DNM3: variants seen among roughly 807,000 people sequenced by gnomAD.
DNM3 encodes the protein dynamin 3, also known as dynamin-3.
In DNM3, 47 loss-of-function variants were observed where a neutral mutation model predicts 101.6. That is an observed-to-expected ratio of 0.46 (90% confidence interval 0.37 to 0.59). The LOEUF (loss-of-function observed/expected upper bound fraction) is 0.59, where lower values mean the gene tolerates loss of function less well. Ranked by LOEUF, DNM3 falls within the 20% of genes least tolerant of loss-of-function variation. The pLI is 0.00. For synonymous variants in DNM3, 385 were observed against 387.9 expected (o/e 0.99, Z 0.09); for missense variants, 849 against 1,085.7 (o/e 0.78, Z 3.06).
chr1:171,993,868 C>G (rs2045814046), intron 4 of DNM3, among the ~76,000 whole-genome samples: 1 of 151,912 alleles, frequency 6.6e-6, no homozygotes, highest in African/African-American at 2.4e-5. Flanking sequence ...CTGTTCAGAT[C>G]TGCTATTAAA....
intron 15 of DNM3, among the ~76,000 whole-genome samples, chr1:172,293,836 A>G (rs889342942): frequency 5.3e-5 from 8 of 152,242 alleles, no homozygotes; most frequent in Non-Finnish European, 1.2e-4. Flanking sequence ...AAGATTTTCC[A>G]GTGAAGAGCC....
At chr1:172,342,346 T>G (rs2066727146) in intron 17 of DNM3, among the ~76,000 whole-genome samples, 1 of 152,120 alleles carries the variant, frequency 6.6e-6, no homozygotes, top group South Asian at 2.1e-4. Context: ...AGCAAAGATA[T>G]GGAATTAACC....
At chr1:172,189,847 G>C (rs1051200002) in intron 14 of DNM3, among the ~76,000 whole-genome samples, 1 of 151,752 alleles carries the variant, frequency 6.6e-6, no homozygotes, top group African/African-American at 2.4e-5. Context: ...AAGAGAGAAG[G>C]GGGAGGTCCA....
chr1:171,880,142 A>G (rs2036137844), intron 1 of DNM3, among the ~76,000 whole-genome samples: 1 of 152,240 alleles, frequency 6.6e-6, no homozygotes, highest in Non-Finnish European at 1.5e-5. Flanking sequence ...TATCAGCCAC[A>G]GATGCTTTTG....
At chr1:172,226,410 T>TA (rs1451684598) in intron 14 of DNM3, among the ~76,000 whole-genome samples, 1 of 152,202 alleles carries the variant, frequency 6.6e-6, no homozygotes, top group African/African-American at 2.4e-5. Flanking sequence ...TTAAACCAAA[T>TA]AATGGATTCT....
At position 172,057,037 on chromosome 1, in the gene DNM3, C is replaced by T. The variant is rs372540065; in HGVS notation, c.1335+8287C>T. Among the ~76,000 whole-genome samples, 42 of 151,836 alleles carry T rather than the reference C, an allele frequency of 2.8e-4. 1 individual carries two copies. The East Asian group carries it at 6.4e-3, about 23-fold the overall frequency. On this transcript the variant is annotated intron_variant, in intron 10 of 20. Transcript: ENST00000627582. Reference sequence around the variant, plus strand: ...GCTGAAAACCAAGGCTCGAGAACTACGTGAAGAATTCAGAAGCCTCAGGAG... The same window carrying T: ...GCTGAAAACCAAGGCTCGAGAACTATGTGAAGAATTCAGAAGCCTCAGGAG...
chr1:172,062,410 C>T (rs564707550), intron 10 of DNM3, among the ~76,000 whole-genome samples: 1 of 152,270 alleles, frequency 6.6e-6, no homozygotes, highest in South Asian at 2.1e-4. Context: ...TTTTTCTACT[C>T]TCCTTGTTTC....
At chr1:172,047,197 T>A (rs1432737094) in intron 9 of DNM3, among the ~76,000 whole-genome samples, 2 of 152,210 alleles carry the variant, frequency 1.3e-5, no homozygotes, top group Non-Finnish European at 2.9e-5. Flanking sequence ...GAAGAGATGC[T>A]TTGTTTTTCT....
intron 14 of DNM3, chr1:172,136,505 C>T (rs1485357041): frequency 3.9e-5 from 6 of 152,130 alleles, no homozygotes; most frequent in Non-Finnish European, 8.8e-5. Context: ...TAGATATTTT[C>T]ACAAAAGTCC....
At chr1:171,909,431 C>G (rs1390168643) in intron 1 of DNM3, among the ~76,000 whole-genome samples, 2 of 136,244 alleles carry the variant, frequency 1.5e-5, no homozygotes, top group Non-Finnish European at 3.1e-5. Context: ...GAGTGAGACT[C>G]TGTCTTAAAA....
intron 14 of DNM3, among the ~76,000 whole-genome samples, chr1:172,202,215 C>T (rs1278483474): frequency 6.6e-6 from 1 of 152,174 alleles, no homozygotes; most frequent in Admixed American, 6.5e-5. Context: ...TAGAGTAATA[C>T]TAGCCTCATA....
intron 13 of DNM3, among the ~76,000 whole-genome samples, chr1:172,099,838 T>C (rs569266237): frequency 1.3e-5 from 2 of 152,138 alleles, no homozygotes; most frequent in Non-Finnish European, 1.5e-5. Context: ...CTAAAAATAT[T>C]TGTGGAACAT....
rs934211360 is a variant in DNM3 at position 171,843,283 on chromosome 1, T to A, written c.161+1466T>A. Among the ~76,000 whole-genome samples the A allele has an allele frequency of 5.9e-5, 9 of 152,228 alleles. No homozygotes were observed. The East Asian group carries it at 1.2e-3, about 20-fold the overall frequency. ...TAATCACTACACCTCATTTTTATAT[T>A]TTTTTTGATTAATGAACAAAGTGAA... On this transcript the variant is annotated intron_variant, in intron 1 of 20. Coordinates refer to ENST00000627582, the MANE Select transcript of DNM3 (RefSeq NM_015569.5).
At chr1:172,236,448 AT>A (rs1294960923) in intron 14 of DNM3, among the ~76,000 whole-genome samples, 1 of 152,200 alleles carries the variant, frequency 6.6e-6, no homozygotes, top group Non-Finnish European at 1.5e-5. Context: ...ATTTTAATGA[AT>A]GCTGTTACTT....
intron 12 of DNM3, among the ~76,000 whole-genome samples, chr1:172,085,610 C>T (rs1382237608): frequency 6.6e-6 from 1 of 152,166 alleles, no homozygotes; most frequent in Non-Finnish European, 1.5e-5. Flanking sequence ...TAGGTCTCAA[C>T]ACCTGTTTTC....
At chr1:171,914,604 G>A (rs777346011) in intron 1 of DNM3, among the ~76,000 whole-genome samples, 3 of 152,060 alleles carry the variant, frequency 2.0e-5, no homozygotes, top group Non-Finnish European at 4.4e-5. Flanking sequence ...TTTGTAATTT[G>A]GTGAATATAT....
In DNM3 at chr1:172,315,018, G is replaced by A. The variant is rs371595098; in HGVS notation, c.1881+6179G>A. On this transcript the variant is annotated intron_variant, in intron 16 of 20. Coordinates refer to ENST00000627582, the MANE Select transcript of DNM3 (RefSeq NM_015569.5). ...GTAGGGGCAGACTGACACCTCACAC[G>A]GCCGGGTACTCCTCTGAGACAAAAC... Among the ~76,000 whole-genome samples, 739 of 152,066 alleles carry A rather than the reference G, an allele frequency of 4.9e-3. 6 individuals are homozygous for A. Among genetic ancestry groups the A allele is most frequent in the African/African-American group, 0.016 (674 of 41,464 alleles).
intron 2 of DNM3, among the ~76,000 whole-genome samples, chr1:171,932,018 TCCTC>T (rs1275589771): frequency 1.2e-5 from 1 of 84,400 alleles, no homozygotes; most frequent in East Asian, 4.2e-4. Flanking sequence ...CTCCCTCCCT[TCCTC>T]CCTCCCTCCC....
At chr1:172,349,934 T>C (rs2067120718) in intron 17 of DNM3, among the ~76,000 whole-genome samples, 1 of 152,142 alleles carries the variant, frequency 6.6e-6, no homozygotes, top group Non-Finnish European at 1.5e-5. Context: ...CAAGCCCTCA[T>C]GTATATAGAA....
Sources: allele counts gnomAD v4.1 joint callset (sites outside exome capture counted in the v4.1 genomes callset), GRCh38; gene constraint gnomAD v4.1.1; transcripts MANE v1.5; gene names NCBI Gene and HGNC (gene_info 2026-07-23, HGNC 2026-07-21).